FAM237A: variants seen among roughly 807,000 people sequenced by gnomAD.
FAM237A encodes protein FAM237A.
A neutral mutation model predicts 12.5 loss-of-function variants in FAM237A; 14 were observed. That is an observed-to-expected ratio of 1.12 (90% confidence interval 0.74 to 1.75). The LOEUF (loss-of-function observed/expected upper bound fraction) is 1.75, where lower values mean the gene tolerates loss of function less well. Among genes scored for constraint, FAM237A ranks in the 40% most tolerant of loss-of-function variants. The pLI, the probability that FAM237A is intolerant of heterozygous loss-of-function variation, is 0.00. For missense variants in FAM237A, 240 were observed against 211.7 expected (o/e 1.13, Z -0.83); for synonymous variants, 85 against 77.5 (o/e 1.10, Z -0.51).
rs1313503926 is a variant in FAM237A at position 206,644,387 on chromosome 2, G to A, written c.151G>A (p.Glu51Lys). 1.9e-6 allele frequency: 3 copies of A among 1,613,682 alleles called. No individual in the cohort carries two copies. The highest frequency in any genetic ancestry group is 2.5e-6 in the Non-Finnish European group (3 of 1,179,812). The change falls in exon 2 of 3, where the codon GAA (glutamate) becomes AAA (lysine). Residue 51 changes from glutamate (E) to lysine (K), a missense_variant. Coordinates refer to ENST00000441223, the MANE Select transcript of FAM237A (RefSeq NM_001102659.3). The part of the protein sequence containing the change: ...ALSQADPQCW[E>K]SSSVLLLEMW... ...TAGCCAAGCTGATCCTCAGTGCTGGGAATCCTCCTCAGTGCTTCTCCTGGA... is the reference window on the plus strand; with the variant it reads ...TAGCCAAGCTGATCCTCAGTGCTGGAAATCCTCCTCAGTGCTTCTCCTGGA...
At chr2:206,645,642 A>G (rs1257107620) in intron 2 of FAM237A, among the ~76,000 whole-genome samples, 2 of 152,182 alleles carry the variant, frequency 1.3e-5, no homozygotes, top group African/African-American at 2.4e-5. Flanking sequence ...TTCTAGTGCT[A>G]CCCTTTCCCA....
At chr2:206,646,856 G>C (rs1699323203) in intron 2 of FAM237A, among the ~76,000 whole-genome samples, 1 of 152,162 alleles carries the variant, frequency 6.6e-6, no homozygotes, top group Non-Finnish European at 1.5e-5. Context: ...GTCCCTCGGG[G>C]ATAATATGTT....
chr2:206,647,418 C>T (rs113951645), intron 2 of FAM237A, among the ~76,000 whole-genome samples: 15 of 152,052 alleles, frequency 9.9e-5, no homozygotes, highest in African/African-American at 2.7e-4. Flanking sequence ...CAGGAACAGA[C>T]GAGGTTCAGA....
chr2:206,646,863 T>G (rs374308736), intron 2 of FAM237A, among the ~76,000 whole-genome samples: 2 of 152,176 alleles, frequency 1.3e-5, no homozygotes, highest in East Asian at 3.8e-4. Context: ...GGGGATAATA[T>G]GTTGTTAGGT....
Position 206,649,033 on chromosome 2 carries a change from A to T in FAM237A, c.*239A>T, listed in dbSNP as rs1038564417. On this transcript the variant is annotated 3_prime_UTR_variant, in exon 3 of 3. Coordinates refer to ENST00000441223, the MANE Select transcript of FAM237A (RefSeq NM_001102659.3). ...GCCAGTCTATCCCACAGTCTAAAGGAGTTAAATAACTTCCAGAGATGACTT... is the reference window on the plus strand; with the variant it reads ...GCCAGTCTATCCCACAGTCTAAAGGTGTTAAATAACTTCCAGAGATGACTT... The T allele has an allele frequency of 8.0e-5, 16 of 200,992 alleles. No individual in the cohort carries two copies. The highest frequency in any genetic ancestry group is 1.8e-3 in the Middle Eastern group (1 of 564). 12.5% of individuals were successfully genotyped at this position (200,992 alleles called of 1,614,324 possible).
chr2:206,648,862 T>A lies in FAM237A; in HGVS notation c.*68T>A. ...TATATATAACATTTTTCTTAACTAT[T>A]GATTATTTATTTATTTTAAATGGTG... On this transcript the variant is annotated 3_prime_UTR_variant, in exon 3 of 3. Coordinates refer to ENST00000441223, the MANE Select transcript of FAM237A (RefSeq NM_001102659.3). The A allele has an allele frequency of 8.3e-7, 1 of 1,198,314 alleles. No individual in the cohort carries two copies. Among genetic ancestry groups the A allele is most frequent in the Non-Finnish European group, 1.1e-6 (1 of 911,206 alleles). The allele number at this position is 1,198,314 out of a possible 1,614,324, so 74.2% of individuals were successfully genotyped here. A position where few individuals can be genotyped will look rare whatever the true frequency, so the allele number is the denominator to read the frequency against.
chr2:206,644,673 T>C (rs1405462301), intron 2 of FAM237A, 25 bp downstream of exon 2: 2 of 1,520,250 alleles, frequency 1.3e-6, no homozygotes. Flanking sequence ...CTCCCATGTC[T>C]TTTGAAAGGG....
At chr2:206,645,634 C>T (rs1699308392) in intron 2 of FAM237A, among the ~76,000 whole-genome samples, 1 of 152,150 alleles carries the variant, frequency 6.6e-6, no homozygotes. Flanking sequence ...AGTGGTAGTT[C>T]TAGTGCTACC....
Position 206,644,629 on chromosome 2 carries a change from G to T in FAM237A, c.393G>T (p.Gln131His). The T allele has an allele frequency of 6.3e-7, 1 of 1,587,618 alleles. No individual in the cohort carries two copies. Among genetic ancestry groups the T allele is most frequent in the South Asian group, 1.2e-5 (1 of 85,234 alleles). The change falls in exon 2 of 3, where the codon CAG becomes CAT. Residue 131 changes from glutamine to histidine, a missense_variant. Transcript: ENST00000441223. ...EEEKISAAQP[Q>H]HTRSKQGTYS... Reference sequence around the variant, plus strand: ...AGAAAATCTCAGCAGCGCAGCCACAGCACACAAGGAGTAAACAAGGTGGTC... The same window carrying T: ...AGAAAATCTCAGCAGCGCAGCCACATCACACAAGGAGTAAACAAGGTGGTC...
rs148308682 is a variant in FAM237A, at chr2:206,645,329, G to A, written c.412+681G>A. On this transcript the variant is annotated intron_variant, in intron 2 of 2. Coordinates refer to ENST00000441223, the MANE Select transcript of FAM237A (RefSeq NM_001102659.3). ...GTAAATACTATATTCAAATAGTCTC[G>A]TCTGAGGGTACAGAAAAAAAGTCCC... is the stretch of plus-strand genomic sequence containing the variant. 5.2e-3 allele frequency among the ~76,000 whole-genome samples: 785 copies of A among 152,182 alleles called. 8 individuals carry two copies. The highest frequency in any genetic ancestry group is 9.4e-3 in the Non-Finnish European group (638 of 68,008).
At chr2:206,646,402 T>C (rs1699318334) in intron 2 of FAM237A, among the ~76,000 whole-genome samples, 1 of 152,204 alleles carries the variant, frequency 6.6e-6, no homozygotes, top group South Asian at 2.1e-4. Context: ...AAATGTCTAC[T>C]AAATAAATGA....
In FAM237A at chr2:206,642,942, C is replaced by G. The variant is rs1040405489; in HGVS notation, c.-11+360C>G. On this transcript the variant is annotated intron_variant, in intron 1 of 2. Coordinates refer to ENST00000441223, the MANE Select transcript of FAM237A (RefSeq NM_001102659.3). This position sits in a 1 kb window ranked among gnomAD's most constrained non-coding sequence, Gnocchi z 5.1. ...CTCGATATTTTAGTTCGGAAAGGGA[C>G]ACAACAAATATGATTTCAAGTAGAG... Among the ~76,000 whole-genome samples, 4 of 152,060 alleles carry G rather than the reference C, an allele frequency of 2.6e-5. No individual in the cohort carries two copies. The highest frequency in any genetic ancestry group is 9.7e-5 in the African/African-American group (4 of 41,382).
chr2:206,644,388 A>G lies in FAM237A; in HGVS notation c.152A>G (p.Glu51Gly), dbSNP rs1699290478. The change falls in exon 2 of 3, where the codon GAA becomes GGA. Residue 51 changes from glutamate to glycine, a missense_variant. Coordinates refer to ENST00000441223, the MANE Select transcript of FAM237A (RefSeq NM_001102659.3). ...AGCCAAGCTGATCCTCAGTGCTGGG[A>G]ATCCTCCTCAGTGCTTCTCCTGGAA... ...ALSQADPQCW[E>G]SSSVLLLEMW... The G allele has an allele frequency of 1.2e-6, 2 of 1,613,690 alleles. No individual in the cohort carries two copies. The highest frequency in any genetic ancestry group is 3.3e-5 in the Admixed American group (2 of 59,986).
At chr2:206,646,163 T>C (rs1699314697) in intron 2 of FAM237A, among the ~76,000 whole-genome samples, 1 of 151,980 alleles carries the variant, frequency 6.6e-6, no homozygotes, top group African/African-American at 2.4e-5. Flanking sequence ...ATTAGCCGGA[T>C]GTGGTGGCGG....
chr2:206,645,834 C>T lies in FAM237A; in HGVS notation c.412+1186C>T, dbSNP rs183359010. ...ATTTTTAGAGGAAATATTCTTTCAG[C>T]AGCCTTGCTACTAAAGTAGAAATAC... On this transcript the variant is annotated intron_variant, in intron 2 of 2. Transcript: ENST00000441223. Among the ~76,000 whole-genome samples, 6 of 152,304 alleles carry T rather than the reference C, an allele frequency of 3.9e-5. No homozygotes were observed. In the East Asian group the frequency reaches 1.2e-3, roughly 29 times the overall value.
intron 2 of FAM237A, 80 bp downstream of exon 2, chr2:206,644,728 G>T: frequency 2.2e-6 from 3 of 1,334,240 alleles, no homozygotes; most frequent in Non-Finnish European, 3.0e-6. Context: ...GAGGGAAATG[G>T]CATTAGGGGA....
Position 206,648,845 on chromosome 2 carries a change from A to T in FAM237A, c.*51A>T. 7.6e-7 allele frequency: 1 copy of T among 1,320,710 alleles called. No homozygotes were observed. The highest frequency in any genetic ancestry group is 1.0e-6 in the Non-Finnish European group (1 of 1,004,066). 81.8% of individuals were successfully genotyped at this position (1,320,710 alleles called of 1,614,324 possible). ...TTGGAATTAAATATACATATATATAACATTTTTCTTAACTATTGATTATTT... is the reference window on the plus strand; with the variant it reads ...TTGGAATTAAATATACATATATATATCATTTTTCTTAACTATTGATTATTT... On this transcript the variant is annotated 3_prime_UTR_variant, in exon 3 of 3. Coordinates refer to ENST00000441223, the MANE Select transcript of FAM237A (RefSeq NM_001102659.3).
At chr2:206,643,504 G>C (rs1344165188) in intron 1 of FAM237A, 3 of 152,110 alleles carry the variant, frequency 2.0e-5, no homozygotes, top group African/African-American at 7.2e-5. Flanking sequence ...AAAGTTGAAT[G>C]AGAGTCACGT....
At chr2:206,643,745 AT>A (rs934982466) in intron 1 of FAM237A, among the ~76,000 whole-genome samples, 8 of 152,166 alleles carry the variant, frequency 5.3e-5, no homozygotes, top group African/African-American at 9.7e-5. Flanking sequence ...ATTCTGATGT[AT>A]TTTTTAAAAA....
Sources: allele counts gnomAD v4.1 joint callset (sites outside exome capture counted in the v4.1 genomes callset), GRCh38; gene constraint gnomAD v4.1.1; non-coding constraint Gnocchi (gnomAD v3.1); transcripts MANE v1.5; gene names NCBI Gene and HGNC (gene_info 2026-07-23, HGNC 2026-07-21).